XAB2: variants seen among roughly 807,000 people sequenced by gnomAD.
The protein encoded by XAB2 is pre-mRNA-splicing factor SYF1.
In XAB2, 57 loss-of-function variants were observed where a neutral mutation model predicts 113.4. The observed-to-expected ratio is 0.50, with a 90% confidence interval of 0.41 to 0.63. The LOEUF (loss-of-function observed/expected upper bound fraction) is 0.63, where lower values mean the gene tolerates loss of function less well. XAB2 is among the 20% of genes least tolerant of loss of function. The pLI is 0.00. For synonymous variants in XAB2, 497 were observed against 498.8 expected (o/e 1.00, Z 0.05); for missense variants, 1,037 against 1,233.3 (o/e 0.84, Z 2.38).
At position 7,620,829 on chromosome 19, in the gene XAB2, C is replaced by A; in HGVS notation, c.1971+17G>T. On this transcript the variant is annotated intron_variant, in intron 14 of 18. Transcript: ENST00000358368. ...TCAGGGACCTCTGGCCCCGGCCCAG[C>A]CCCCCACGGTGGGTACCTCAATGGC... 6.4e-7 allele frequency: 1 copy of A among 1,568,768 alleles called. No homozygotes were observed. Among genetic ancestry groups the A allele is most frequent in the Non-Finnish European group, 8.7e-7 (1 of 1,154,976 alleles).
At position 7,620,909 on chromosome 19, in the gene XAB2, G is replaced by A. The variant is rs751803523; in HGVS notation, c.1908C>T (p.Ile636=). The A allele has an allele frequency of 9.4e-6, 15 of 1,603,810 alleles. No individual in the cohort carries two copies. The East Asian group carries it at 3.4e-4, about 36-fold the overall frequency. ...AQQYDMFNIY[I]KRAAEIYGVT... is the part of the protein sequence containing the mutation. ...CCCCATAGATCTCGGCCGCCCGCTT[G>A]ATGTAGATGTTGAACATGTCATACT... is the stretch of plus-strand genomic sequence containing the variant. Residue 636 remains isoleucine, a synonymous_variant, in exon 14 of 19, where the codon ATC becomes ATT. Coordinates refer to ENST00000358368, the MANE Select transcript of XAB2 (RefSeq NM_020196.3).
chr19:7,627,851 G>C lies in XAB2; in HGVS notation c.201C>G (p.Ser67Arg), dbSNP rs1568455954. Residue 67 changes from serine to arginine, a missense_variant and splice_region_variant, in exon 3 of 19, where the codon AGC becomes AGG. Ser to Arg is a moderately radical substitution (Grantham distance 110). Coordinates refer to ENST00000358368, the MANE Select transcript of XAB2 (RefSeq NM_020196.3). The surrounding 1 kb of genome is among the most constrained non-coding windows in gnomAD (Gnocchi z 4.5). ...YERALKLLPC[S>R]YKLWYRYLKA... ...TCAGGTATCGGTACCAGAGTTTGTA[G>C]CTGGGGAATAGGAGGGGACAGATGC... The C allele has an allele frequency of 1.4e-5, 23 of 1,612,378 alleles. No individual in the cohort carries two copies. The highest frequency in any genetic ancestry group is 2.0e-5 in the Non-Finnish European group (23 of 1,178,514).
At chr19:7,621,105 C>CCCCCCCCCCAACCCCCA in intron 13 of XAB2, 30 bp downstream of exon 13, 1 of 1,498,942 alleles carries the variant, frequency 6.7e-7, no homozygotes, top group Non-Finnish European at 9.0e-7. Context: ...GCCCGCCCGC[C>CCCCCCCCCCAACCCCCA]ACCCCCCCCA....
chr19:7,621,983 A>G (rs2031043223), intron 12 of XAB2: 1 of 238,038 alleles, frequency 4.2e-6, no homozygotes, highest in Non-Finnish European at 8.3e-6. Flanking sequence ...TGAGATCACT[A>G]AGTTAAACTG....
At position 7,628,248 on chromosome 19, in the gene XAB2, A is replaced by G. The variant is rs2031184385; in HGVS notation, c.102T>C (p.Ser34=). 6.2e-7 allele frequency: 1 copy of G among 1,614,062 alleles called. No individual in the cohort carries two copies. Among genetic ancestry groups the G allele is most frequent in the Non-Finnish European group, 8.5e-7 (1 of 1,179,984 alleles). ...CGATGTAGCGAAGCCAGCATTTGAC[A>G]GAGAATTGGTTCCGCATGATTTCCT... ...YEEEIMRNQF[S]VKCWLRYIEF... The change falls in exon 2 of 19, where the codon TCT becomes TCC. Residue 34 remains serine, a synonymous_variant. Coordinates refer to ENST00000358368, the MANE Select transcript of XAB2 (RefSeq NM_020196.3). The surrounding 1 kb of genome is among the most constrained non-coding windows in gnomAD (Gnocchi z 4.6).
Position 7,627,664 on chromosome 19 carries a change from C to T in XAB2, c.324+64G>A, listed in dbSNP as rs754655414. On this transcript the variant is annotated intron_variant, in intron 3 of 18. Coordinates refer to ENST00000358368, the MANE Select transcript of XAB2 (RefSeq NM_020196.3). The surrounding 1 kb of genome is among the most constrained non-coding windows in gnomAD (Gnocchi z 4.5). ...ACATGCTGAGCCCAGCCCCTGTCCC[C>T]GCCCCACCCACCACCATGGACTGAG... 3.8e-5 allele frequency: 60 copies of T among 1,590,468 alleles called. No individual in the cohort carries two copies. Among genetic ancestry groups the T allele is most frequent in the Non-Finnish European group, 4.6e-5 (54 of 1,163,108 alleles).
Position 7,623,976 on chromosome 19 carries a change from G to T in XAB2, c.968-94C>A. 7.1e-7 allele frequency: 1 copy of T among 1,416,416 alleles called. No homozygotes were observed. Among genetic ancestry groups the T allele is most frequent in the Non-Finnish European group, 9.4e-7 (1 of 1,068,640 alleles). 87.7% of individuals were successfully genotyped at this position (1,416,416 alleles called of 1,614,324 possible). A position where few individuals can be genotyped will look rare whatever the true frequency, so the allele number is the denominator to read the frequency against. ...CACTCCCCACCCTCACTCCGCTCCA[G>T]CCCCCAGCCAAGTGCTCTGGGCCCT... is the stretch of plus-strand genomic sequence containing the variant. On this transcript the variant is annotated intron_variant, in intron 7 of 18. Transcript: ENST00000358368. The surrounding 1 kb of genome is among the most constrained non-coding windows in gnomAD (Gnocchi z 4.6).
chr19:7,620,855 C>A lies in XAB2; in HGVS notation c.1962G>T (p.Lys654Asn). Reference protein sequence around the residue: ...GVTHTRGIYQKAIEVLSDEHA... With the variant: ...GVTHTRGIYQNAIEVLSDEHA... ...CCCCCACGGTGGGTACCTCAATGGC[C>A]TTCTGGTAGATGCCGCGGGTGTGGG... The change falls in exon 14 of 19, where the codon AAG becomes AAT. Residue 654 changes from lysine (K) to asparagine (N), a missense_variant. By Grantham distance (94) the Lys-to-Asn change is moderately conservative. Transcript: ENST00000358368. 6.3e-7 allele frequency: 1 copy of A among 1,584,654 alleles called. No homozygotes were observed. The highest frequency in any genetic ancestry group is 8.6e-7 in the Non-Finnish European group (1 of 1,164,176).
At position 7,627,966 on chromosome 19, in the gene XAB2, G is replaced by A; in HGVS notation, c.201-115C>T. ...AGAAGGGGTGTGGGAGGGGTGACAT[G>A]TCTCAGCAATGACAGGGACAGACTG... On this transcript the variant is annotated intron_variant, in intron 2 of 18. Coordinates refer to ENST00000358368, the MANE Select transcript of XAB2 (RefSeq NM_020196.3). The surrounding 1 kb of genome is among the most constrained non-coding windows in gnomAD (Gnocchi z 4.5). The A allele has an allele frequency of 6.6e-7, 1 of 1,525,430 alleles. No individual in the cohort carries two copies. Among genetic ancestry groups the A allele is most frequent in the Non-Finnish European group, 8.9e-7 (1 of 1,128,090 alleles). 94.5% of individuals were successfully genotyped at this position (1,525,430 alleles called of 1,614,324 possible).
Position 7,628,348 on chromosome 19 carries a change from T to C in XAB2, c.52-50A>G, listed in dbSNP as rs1252875570. ...AAGAGAGGCCTACCCTCAGAGCCTGTGTGCAGCACCATCCCACTGCTGGGG... is the reference window on the plus strand; with the variant it reads ...AAGAGAGGCCTACCCTCAGAGCCTGCGTGCAGCACCATCCCACTGCTGGGG... On this transcript the variant is annotated intron_variant, in intron 1 of 18. Coordinates refer to ENST00000358368, the MANE Select transcript of XAB2 (RefSeq NM_020196.3). The surrounding 1 kb of genome is among the most constrained non-coding windows in gnomAD (Gnocchi z 4.6). 1.9e-6 allele frequency: 3 copies of C among 1,608,270 alleles called. No homozygotes were observed. Among genetic ancestry groups the C allele is most frequent in the Non-Finnish European group, 2.5e-6 (3 of 1,176,676 alleles).
At chr19:7,620,520 G>A (rs780109493) in intron 15 of XAB2, 27 bp downstream of exon 15, 2 of 1,612,848 alleles carry the variant, frequency 1.2e-6, no homozygotes, top group South Asian at 2.2e-5. Context: ...CCCCAACCCT[G>A]ATACCCGTCC....
At position 7,620,965 on chromosome 19, in the gene XAB2, G is replaced by A. The variant is rs1373363959; in HGVS notation, c.1852C>T (p.Arg618Cys). The change falls in exon 14 of 19, where the codon CGT becomes TGT. Residue 618 changes from arginine (R) to cysteine (C), a missense_variant. By Grantham distance (180) the Arg-to-Cys change is radical. Coordinates refer to ENST00000358368, the MANE Select transcript of XAB2 (RefSeq NM_020196.3). ...GCGGGCTCCACGGCCCTGGTGGCAC[G>A]CTCGTACACGGCCATGGCATGCCGG... The part of the protein sequence containing the change: ...LARHAMAVYE[R>C]ATRAVEPAQQ... 1.6e-5 allele frequency: 26 copies of A among 1,578,792 alleles called. No individual in the cohort carries two copies. The highest frequency in any genetic ancestry group is 9.2e-5 in the East Asian group (4 of 43,590).
At chr19:7,622,946 C>T (rs1421030576) in intron 9 of XAB2, 53 bp from the exon 10 acceptor site, 3 of 1,598,252 alleles carry the variant, frequency 1.9e-6, no homozygotes, top group Non-Finnish European at 2.6e-6. Context: ...GGACAGCTCC[C>T]ACCATCAAGG....
Position 7,624,476 on chromosome 19 carries a change from G to A in XAB2, c.823-31C>T, listed in dbSNP as rs2146187258. On this transcript the variant is annotated intron_variant, in intron 6 of 18. Transcript: ENST00000358368. This position sits in a 1 kb window ranked among gnomAD's most constrained non-coding sequence, Gnocchi z 4.2. ...GGGACCCAGGGAAGGGGAGGTGAGA[G>A]GAAAGTGGCGCAGGGGACAGGCAGC... is the stretch of plus-strand genomic sequence containing the variant. The A allele has an allele frequency of 1.9e-6, 3 of 1,613,354 alleles. No individual in the cohort carries two copies. The highest frequency in any genetic ancestry group is 2.5e-6 in the Non-Finnish European group (3 of 1,179,888).
chr19:7,622,977 C>T, intron 9 of XAB2, 84 bp from the exon 10 acceptor site: 3 of 1,566,114 alleles, frequency 1.9e-6, no homozygotes, highest in Admixed American at 1.9e-5. Flanking sequence ...TGACCATGCT[C>T]ACAAACATAC....
Position 7,622,311 on chromosome 19 carries a change from G to A in XAB2, c.1617+20C>T, listed in dbSNP as rs757096109. 2 of 1,612,272 alleles carry A rather than the reference G, an allele frequency of 1.2e-6. No individual in the cohort carries two copies. The highest frequency in any genetic ancestry group is 1.7e-5 in the Admixed American group (1 of 60,020). On this transcript the variant is annotated intron_variant, in intron 12 of 18. Coordinates refer to ENST00000358368, the MANE Select transcript of XAB2 (RefSeq NM_020196.3). ...GGGACACTGCCATCAGGGGCCTCTG[G>A]GTCCACCCTAGCCCCTCACCTTGAA...
chr19:7,622,706 C>T, intron 10 of XAB2, 45 bp from the exon 11 acceptor site: 1 of 1,612,582 alleles, frequency 6.2e-7, no homozygotes, highest in Non-Finnish European at 8.5e-7. Flanking sequence ...GGGGCTGTCC[C>T]TGGCCCTTGC....
rs1028050453 is a variant in XAB2, at chr19:7,623,621, C to T, written c.1119+110G>A. 1 of 1,438,586 alleles carries T rather than the reference C, an allele frequency of 7.0e-7. No homozygotes were observed. The highest frequency in any genetic ancestry group is 9.3e-7 in the Non-Finnish European group (1 of 1,078,330). The allele number at this position is 1,438,586 out of a possible 1,614,324, so 89.1% of individuals were successfully genotyped here. On this transcript the variant is annotated intron_variant, in intron 8 of 18. Coordinates refer to ENST00000358368, the MANE Select transcript of XAB2 (RefSeq NM_020196.3). The surrounding 1 kb of genome is among the most constrained non-coding windows in gnomAD (Gnocchi z 4.6). The stretch of plus-strand genomic sequence containing the variant: ...AAGAACAGGGGTGGAATTGGACCTA[C>T]TAAGCAAAGTCAGGCCCCTAGAAGG...
chr19:7,622,544 G>T lies in XAB2; in HGVS notation c.1489C>A (p.Leu497Ile), dbSNP rs578001435. The T allele has an allele frequency of 7.4e-6, 12 of 1,613,798 alleles. No individual in the cohort carries two copies. In the East Asian group the frequency reaches 2.2e-4, roughly 30 times the overall value. The change falls in exon 11 of 19, where the codon CTC becomes ATC. Residue 497 changes from leucine to isoleucine, a missense_variant. Physicochemically the swap from Leu to Ile is conservative, Grantham distance 5. Coordinates refer to ENST00000358368, the MANE Select transcript of XAB2 (RefSeq NM_020196.3). ...WSMLADLEES[L>I]GTFQSTKAVY... Reference sequence around the variant, plus strand: ...AGGCAGCTCACCTGGAAGGTGCCGAGGCTCTCCTCCAGGTCGGCGAGCATG... The same window carrying T: ...AGGCAGCTCACCTGGAAGGTGCCGATGCTCTCCTCCAGGTCGGCGAGCATG...
Sources: allele counts gnomAD v4.1 joint callset, GRCh38; gene constraint gnomAD v4.1.1; non-coding constraint Gnocchi (gnomAD v3.1); transcripts MANE v1.5; gene names NCBI Gene and HGNC (gene_info 2026-07-23, HGNC 2026-07-21).